The following WDR72 variants were observed in gnomAD, a reference collection of about 807,000 sequenced individuals.
The protein encoded by WDR72 is WD repeat domain 72, also known as WD repeat-containing protein 72.
A neutral mutation model predicts 124.2 loss-of-function variants in WDR72; 120 were observed. The ratio of observed to expected loss-of-function variants is 0.97; its 90% CI spans 0.83 to 1.12. The LOEUF is 1.12. Among genes scored for constraint, WDR72 ranks in the 50% most tolerant of loss-of-function variants. The pLI is 0.00. For missense variants in WDR72, 1,387 were observed against 1,278.8 expected (o/e 1.08, Z -1.29); for synonymous variants, 452 against 441.7 (o/e 1.02, Z -0.29).
chr15:53,652,796 C>A (rs1057015852), intron 14 of WDR72, among the ~76,000 whole-genome samples: 1 of 152,136 alleles, frequency 6.6e-6, no homozygotes, highest in Non-Finnish European at 1.5e-5. Flanking sequence ...AACCACATTG[C>A]CTCTTAATCT....
chr15:53,747,267 T>G (rs887711409), intron 1 of WDR72, among the ~76,000 whole-genome samples: 2 of 152,160 alleles, frequency 1.3e-5, no homozygotes, highest in African/African-American at 4.8e-5. Flanking sequence ...AAATAAATTT[T>G]ATGAGGTCAA....
At chr15:53,739,770 A>C (rs2018457923) in intron 1 of WDR72, among the ~76,000 whole-genome samples, 1 of 152,186 alleles carries the variant, frequency 6.6e-6, no homozygotes, top group Non-Finnish European at 1.5e-5. Flanking sequence ...TGGCTTGGCT[A>C]ACGTGTGCTT....
upstream of WDR72, among the ~76,000 whole-genome samples, chr15:53,760,016 CTTTTTT>C (rs34013041): frequency 1.4e-5 from 2 of 138,534 alleles, no homozygotes; most frequent in Non-Finnish European, 1.5e-5. Context: ...AGGCCTCAAC[CTTTTTT>C]TTTTTTTTTT....
chr15:53,745,351 T>C (rs998935428), intron 1 of WDR72, among the ~76,000 whole-genome samples: 22 of 152,174 alleles, frequency 1.4e-4, no homozygotes, highest in African/African-American at 5.3e-4. Flanking sequence ...TTTGAGAGTG[T>C]GAGATTTCCT....
At position 53,554,528 on chromosome 15, in the gene WDR72, T is replaced by C. The variant is rs574008320; in HGVS notation, c.3149-31206A>G. 2.0e-5 allele frequency among the ~76,000 whole-genome samples: 3 copies of C among 152,268 alleles called. No individual in the cohort carries two copies. The East Asian group carries it at 5.8e-4, about 29-fold the overall frequency. On this transcript the variant is annotated intron_variant, in intron 18 of 19. Transcript: ENST00000360509. ...TGTGCAGAGCCCTAGTAAGCATCATTGTGTTGTGTTGCAAAAATTTTGCTT... is the reference window on the plus strand; with the variant it reads ...TGTGCAGAGCCCTAGTAAGCATCATCGTGTTGTGTTGCAAAAATTTTGCTT...
chr15:53,532,223 G>A (rs1045243378), intron 18 of WDR72, among the ~76,000 whole-genome samples: 1 of 152,086 alleles, frequency 6.6e-6, no homozygotes, highest in Non-Finnish European at 1.5e-5. Context: ...CTACCATGGA[G>A]AACAGTATGG....
intron 9 of WDR72, among the ~76,000 whole-genome samples, chr15:53,709,273 T>C (rs1270212180): frequency 6.6e-6 from 1 of 152,176 alleles, no homozygotes; most frequent in Non-Finnish European, 1.5e-5. Context: ...GCAGACCAGC[T>C]TTTTCCAGTT....
chr15:53,623,264 CT>C (rs1438938535), intron 14 of WDR72, among the ~76,000 whole-genome samples: 2 of 151,992 alleles, frequency 1.3e-5, no homozygotes. Context: ...CCACAGTCCT[CT>C]TCTTTCCTTT....
intron 14 of WDR72, among the ~76,000 whole-genome samples, chr15:53,640,397 C>T (rs1199280941): frequency 6.6e-6 from 1 of 152,112 alleles, no homozygotes; most frequent in Non-Finnish European, 1.5e-5. Flanking sequence ...TAACTTTGTA[C>T]TAAGTCTCCT....
intron 3 of WDR72, 84 bp from the exon 4 acceptor site, chr15:53,716,769 A>AAGT: frequency 4.2e-6 from 4 of 955,682 alleles, no homozygotes; most frequent in Non-Finnish European, 6.9e-6. Context: ...GTTTTTCTTT[A>AAGT]GCAGCCTGAT....
Position 53,740,576 on chromosome 15 carries a change from G to C in WDR72, c.-12-7415C>G, listed in dbSNP as rs374299296. Among the ~76,000 whole-genome samples, 28 of 152,188 alleles carry C rather than the reference G, an allele frequency of 1.8e-4. No homozygotes were observed. In the East Asian group the frequency reaches 5.0e-3, roughly 27 times the overall value. The stretch of plus-strand genomic sequence containing the variant: ...CTCCCAAAGTGCTGGGATTACAGGC[G>C]TGAGCCACGATTCAACTAATTTTGA... On this transcript the variant is annotated intron_variant, in intron 1 of 19. Coordinates refer to ENST00000360509, the MANE Select transcript of WDR72 (RefSeq NM_182758.4).
chr15:53,653,097 CT>C (rs1281529085), intron 14 of WDR72, among the ~76,000 whole-genome samples: 8 of 151,976 alleles, frequency 5.3e-5, no homozygotes, highest in African/African-American at 1.4e-4. Context: ...AATAAATACA[CT>C]TTTTTTTCTG....
chr15:53,562,054 G>A (rs1894142615), intron 18 of WDR72, among the ~76,000 whole-genome samples: 1 of 151,716 alleles, frequency 6.6e-6, no homozygotes, highest in Non-Finnish European at 1.5e-5. Flanking sequence ...GCTAGTCATT[G>A]CACTAAGCTC....
At chr15:53,754,760 C>A (rs1272516815) in intron 1 of WDR72, among the ~76,000 whole-genome samples, 1 of 152,122 alleles carries the variant, frequency 6.6e-6, no homozygotes, top group East Asian at 1.9e-4. Context: ...GAGAGCACAG[C>A]AAGGGCAACA....
chr15:53,714,385 G>T, intron 6 of WDR72, 49 bp downstream of exon 6: 1 of 1,412,242 alleles, frequency 7.1e-7, no homozygotes, highest in Non-Finnish European at 1.0e-6. Flanking sequence ...AAATTTTAAT[G>T]AATATGCTTG....
intron 13 of WDR72, among the ~76,000 whole-genome samples, chr15:53,671,093 T>C (rs1462101802): frequency 2.6e-5 from 4 of 152,218 alleles, no homozygotes; most frequent in Admixed American, 6.5e-5. Flanking sequence ...ATAATACTTC[T>C]TAATAGATTA....
At chr15:53,706,362 A>G (rs1466124172) in intron 9 of WDR72, among the ~76,000 whole-genome samples, 545 of 43,840 alleles carry the variant, frequency 0.012, 3 homozygotes, top group African/African-American at 0.039. Flanking sequence ...ATATATATAT[A>G]TATATATATA....
At chr15:53,529,585 A>G (rs1366788719) in intron 18 of WDR72, among the ~76,000 whole-genome samples, 4 of 151,980 alleles carry the variant, frequency 2.6e-5, no homozygotes, top group Admixed American at 2.6e-4. Context: ...CCTAAAAGAG[A>G]AAGTGTTCCT....
intron 16 of WDR72, among the ~76,000 whole-genome samples, chr15:53,613,090 A>G (rs1037731258): frequency 6.6e-6 from 1 of 152,102 alleles, no homozygotes; most frequent in East Asian, 1.9e-4. Context: ...GATTGGAAGG[A>G]TAGAACTGTC....
Sources: gnomAD v4.1 joint callset for allele counts (sites outside exome capture counted in the v4.1 genomes callset) on GRCh38, gnomAD v4.1.1 for gene constraint, MANE v1.5 for transcripts, NCBI Gene and HGNC (gene_info 2026-07-23, HGNC 2026-07-21) for gene names.